Variants in ME1 observed in about 807,000 individuals in gnomAD.
ME1 encodes the protein NADP-dependent malic enzyme.
A neutral mutation model predicts 66.4 loss-of-function variants in ME1; 74 were observed. That is an observed-to-expected ratio of 1.11 (90% CI 0.92 to 1.35). The LOEUF (loss-of-function observed/expected upper bound fraction) is 1.35. ME1 is among the 40% of genes most tolerant of loss of function. The pLI is 0.00. For synonymous variants in ME1, 251 were observed against 235.6 expected, an observed-to-expected ratio of 1.07 and a Z score of -0.60; for missense variants, 750 against 694.1, an observed-to-expected ratio of 1.08 and a Z score of -0.90.
intron 6 of ME1, 137 bp from the exon 7 acceptor site, chr6:83,253,875 G>A: frequency 3.8e-6 from 2 of 529,586 alleles, no homozygotes; most frequent in South Asian, 3.0e-5. Flanking sequence ...GTATAAATAT[G>A]TAATATAATA....
At chr6:83,355,989 C>T (rs1349012769) in intron 3 of ME1, among the ~76,000 whole-genome samples, 1 of 151,996 alleles carries the variant, frequency 6.6e-6, no homozygotes, top group African/African-American at 2.4e-5. Context: ...GATGCTTTTT[C>T]ATATATATAG....
chr6:83,269,130 G>A lies in ME1; in HGVS notation c.705-15392C>T, dbSNP rs535393047. Among the ~76,000 whole-genome samples, 149 of 152,168 alleles carry A rather than the reference G, an allele frequency of 9.8e-4. 2 individuals are homozygous for A. Among genetic ancestry groups the A allele is most frequent in the Non-Finnish European group, 1.5e-3 (104 of 68,012 alleles). On this transcript the variant is annotated intron_variant, in intron 6 of 13. Transcript: ENST00000369705. ...AGGTAAGTGTTACTATAGTATGTGGGTAAAGGTAGTATGATCCCAAATGAA... is the reference window on the plus strand; with the variant it reads ...AGGTAAGTGTTACTATAGTATGTGGATAAAGGTAGTATGATCCCAAATGAA...
chr6:83,416,868 G>C lies in ME1; in HGVS notation c.79-8967C>G, dbSNP rs962674589. Among the ~76,000 whole-genome samples, 49 of 150,466 alleles carry C rather than the reference G, an allele frequency of 3.3e-4. 1 individual carries two copies. Among genetic ancestry groups the C allele is most frequent in the African/African-American group, 1.2e-3 (48 of 40,940 alleles). ...TCAAGATCATGCCACTGCACTCCAG[G>C]CTGGGTGACAGAGTGAGATTTGTCT... is the stretch of plus-strand genomic sequence containing the variant. On this transcript the variant is annotated intron_variant, in intron 1 of 13. Transcript: ENST00000369705.
At chr6:83,383,428 C>G (rs1337668430) in intron 3 of ME1, among the ~76,000 whole-genome samples, 1 of 151,844 alleles carries the variant, frequency 6.6e-6, no homozygotes, top group African/African-American at 2.4e-5. Flanking sequence ...ATAACCTCTT[C>G]TTCATTTATT....
At chr6:83,344,134 A>G (rs1768641778) in intron 5 of ME1, among the ~76,000 whole-genome samples, 1 of 151,952 alleles carries the variant, frequency 6.6e-6, no homozygotes, top group African/African-American at 2.4e-5. Flanking sequence ...AGGTTAAAAA[A>G]AATTAGATTG....
intron 1 of ME1, among the ~76,000 whole-genome samples, chr6:83,410,263 T>A (rs538547644): frequency 6.6e-6 from 1 of 152,202 alleles, no homozygotes; most frequent in Non-Finnish European, 1.5e-5. Flanking sequence ...GAATTTATTA[T>A]GAGAAAATTT....
At chr6:83,222,595 G>A (rs1325325899) in intron 12 of ME1, among the ~76,000 whole-genome samples, 1 of 152,156 alleles carries the variant, frequency 6.6e-6, no homozygotes, top group Non-Finnish European at 1.5e-5. Context: ...TCAACCTGAT[G>A]AACATCAACC....
chr6:83,216,417 G>T, intron 13 of ME1, 81 bp downstream of exon 13: 1 of 977,546 alleles, frequency 1.0e-6, no homozygotes. Context: ...TTTCAAGGAA[G>T]CAGATTTTTA....
At chr6:83,334,111 A>C (rs1486604992) in intron 5 of ME1, among the ~76,000 whole-genome samples, 4 of 152,092 alleles carry the variant, frequency 2.6e-5, no homozygotes, top group Non-Finnish European at 5.9e-5. Context: ...GTGTGCGTGC[A>C]CCGTGCGCGA....
intron 3 of ME1, among the ~76,000 whole-genome samples, chr6:83,369,505 T>G (rs1380206838): frequency 2.6e-5 from 4 of 152,058 alleles, no homozygotes; most frequent in Non-Finnish European, 5.9e-5. Flanking sequence ...ACCTTCCATT[T>G]TCAAATGACT....
At chr6:83,404,926 G>C (rs1769910277) in intron 2 of ME1, among the ~76,000 whole-genome samples, 1 of 152,182 alleles carries the variant, frequency 6.6e-6, no homozygotes, top group African/African-American at 2.4e-5. Flanking sequence ...AGTATAGTTT[G>C]AAGTCAGGTA....
chr6:83,406,889 C>T (rs1168902011), intron 2 of ME1, among the ~76,000 whole-genome samples: 1 of 151,906 alleles, frequency 6.6e-6, no homozygotes, highest in African/African-American at 2.4e-5. Context: ...GCCTGACAAC[C>T]TACCTGAAGA....
At chr6:83,250,757 C>A (rs1427199446) in intron 7 of ME1, among the ~76,000 whole-genome samples, 5 of 152,290 alleles carry the variant, frequency 3.3e-5, no homozygotes, top group Non-Finnish European at 7.4e-5. Flanking sequence ...GCAAACCTAC[C>A]CAAGTCAACC....
chr6:83,332,104 T>G (rs1022835842), intron 5 of ME1, among the ~76,000 whole-genome samples: 1 of 152,112 alleles, frequency 6.6e-6, no homozygotes, highest in Non-Finnish European at 1.5e-5. Context: ...AAAGAAAATA[T>G]GGACTGTGAA....
In ME1 at chr6:83,223,952, C is replaced by A; in HGVS notation, c.1276-19G>T. ...CACGTCCCTACAACAAAGACACATA[C>A]AACTCACTTTAAAAAGAAGCAGAAT... On this transcript the variant is annotated intron_variant, in intron 11 of 13. Coordinates refer to ENST00000369705, the MANE Select transcript of ME1 (RefSeq NM_002395.6). 2 of 1,605,362 alleles carry A rather than the reference C, an allele frequency of 1.2e-6. No individual in the cohort carries two copies. Among genetic ancestry groups the A allele is most frequent in the South Asian group, 2.2e-5 (2 of 90,332 alleles).
intron 7 of ME1, among the ~76,000 whole-genome samples, chr6:83,243,330 T>C (rs962623331): frequency 2.1e-5 from 3 of 139,652 alleles, no homozygotes; most frequent in Non-Finnish European, 3.0e-5. Context: ...TTATATAAAA[T>C]ATAATTATAT....
chr6:83,344,042 G>A (rs972776382), intron 5 of ME1, among the ~76,000 whole-genome samples: 14 of 150,880 alleles, frequency 9.3e-5, no homozygotes, highest in African/African-American at 3.4e-4. Context: ...TCCCAGTGAA[G>A]CAGGAGGATT....
chr6:83,383,237 C>T (rs1017644260), intron 3 of ME1, among the ~76,000 whole-genome samples: 4 of 151,718 alleles, frequency 2.6e-5, no homozygotes, highest in African/African-American at 7.3e-5. Context: ...AAGTTCAAGC[C>T]CCAACTCTGG....
At chr6:83,402,799 T>C (rs1769861887) in intron 2 of ME1, among the ~76,000 whole-genome samples, 1 of 152,154 alleles carries the variant, frequency 6.6e-6, no homozygotes. Flanking sequence ...TCAGCTGAGA[T>C]ACTTGCTGAG....
Sources: gnomAD v4.1 joint callset for allele counts (sites outside exome capture counted in the v4.1 genomes callset) on GRCh38, gnomAD v4.1.1 for gene constraint, MANE v1.5 for transcripts, NCBI Gene and HGNC (gene_info 2026-07-23, HGNC 2026-07-21) for gene names.